Variants in KCNQ1OT1 observed in about 807,000 individuals in gnomAD.
KCNQ1OT1 encodes KCNQ1 antisense RNA 2 (non-protein coding).
At chr11:2,693,698 C>T in exon 1 of KCNQ1OT1, 1 of 398,690 alleles carries the variant, frequency 2.5e-6, no homozygotes, top group South Asian at 1.3e-4. Flanking sequence ...TGCGCTCCAG[C>T]CTCATGGGCC....
exon 1 of KCNQ1OT1, chr11:2,634,302 A>G (rs967179387): frequency 6.2e-6 from 2 of 320,164 alleles, no homozygotes; most frequent in African/African-American, 4.6e-5. Flanking sequence ...TATATCTCCT[A>G]ATGCTTTCCC....
chr11:2,676,825 G>A lies in KCNQ1OT1; in HGVS notation n.23170C>T, dbSNP rs1850303186. 2.5e-6 allele frequency: 1 copy of A among 398,450 alleles called. No homozygotes were observed. Among genetic ancestry groups the A allele is most frequent in the Admixed American group, 4.4e-5 (1 of 22,712 alleles). 24.7% of individuals were successfully genotyped at this position (398,450 alleles called of 1,614,324 possible). On this transcript the variant is annotated non_coding_transcript_exon_variant, in exon 1 of 1. Transcript: ENST00000597346. This position sits in a 1 kb window ranked among gnomAD's most constrained non-coding sequence, Gnocchi z 4.2. ...TGTATTGTGCTGGGATCTACCACAG[G>A]GGTCATGTTGTAATGACACCTGTCA...
exon 1 of KCNQ1OT1, chr11:2,699,394 C>G (rs1173915315): frequency 7.5e-6 from 3 of 400,778 alleles, no homozygotes; most frequent in Non-Finnish European, 1.3e-5. Flanking sequence ...GTGTTCAAAC[C>G]CTCCCAGAGA....
chr11:2,658,994 T>G lies in KCNQ1OT1; in HGVS notation n.41001A>C, dbSNP rs969150842. ...GAGTGTCCAGTCAAAACAGTGTTTT[T>G]GAAAGCAACATATGCCAGCTCCTCC... On this transcript the variant is annotated non_coding_transcript_exon_variant, in exon 1 of 1. Coordinates refer to ENST00000597346, the Ensembl canonical transcript of KCNQ1OT1. The surrounding 1 kb of genome is among the most constrained non-coding windows in gnomAD (Gnocchi z 4.9). 3 of 398,524 alleles carry G rather than the reference T, an allele frequency of 7.5e-6. No individual in the cohort carries two copies. In the East Asian group the frequency reaches 1.1e-4, roughly 14 times the overall value. The allele number at this position is 398,524 out of a possible 1,614,324, so 24.7% of individuals were successfully genotyped here.
At chr11:2,694,977 A>G (rs1027060195) in exon 1 of KCNQ1OT1, 7 of 398,606 alleles carry the variant, frequency 1.8e-5, no homozygotes, top group African/African-American at 6.2e-5. Context: ...ACAAAGAAGA[A>G]GAAGGCTGGC....
At position 2,624,652 on chromosome 11, in the gene KCNQ1OT1, A is replaced by G. The variant is rs948368877; in HGVS notation, n.75343T>C. 2.0e-5 allele frequency: 8 copies of G among 398,464 alleles called. No homozygotes were observed. Among genetic ancestry groups the G allele is most frequent in the African/African-American group, 1.0e-4 (5 of 48,634 alleles). 24.7% of individuals were successfully genotyped at this position (398,464 alleles called of 1,614,324 possible). Reference sequence around the variant, plus strand: ...AGTGAATGTATTAGATACGTTCACAATGCTGTGCAATCATCACTATCATCC... The same window carrying G: ...AGTGAATGTATTAGATACGTTCACAGTGCTGTGCAATCATCACTATCATCC... On this transcript the variant is annotated non_coding_transcript_exon_variant, in exon 1 of 1. Transcript: ENST00000597346. The surrounding 1 kb of genome is among the most constrained non-coding windows in gnomAD (Gnocchi z 4.9).
At chr11:2,625,656 A>C (rs147284711) in exon 1 of KCNQ1OT1, 4 of 395,482 alleles carry the variant, frequency 1.0e-5, no homozygotes, top group African/African-American at 2.1e-5. Flanking sequence ...GCTTACTGCA[A>C]CCTCTGCCTC....
rs759714698 is a variant in KCNQ1OT1 at position 2,661,955 on chromosome 11, C to A, written n.38040G>T. ...CTAACGTGCTGTCCCCACACTTTCT[C>A]CTCAGTAAGGAAGAGCCCAACACTG... On this transcript the variant is annotated non_coding_transcript_exon_variant, in exon 1 of 1. Coordinates refer to ENST00000597346, the Ensembl canonical transcript of KCNQ1OT1. The surrounding 1 kb of genome is among the most constrained non-coding windows in gnomAD (Gnocchi z 5.9). The A allele has an allele frequency of 5.0e-6, 8 of 1,614,076 alleles. No homozygotes were observed. Among genetic ancestry groups the A allele is most frequent in the Non-Finnish European group, 6.8e-6 (8 of 1,180,046 alleles).
At chr11:2,622,026 T>C (rs1849181922) in exon 1 of KCNQ1OT1, 2 of 398,138 alleles carry the variant, frequency 5.0e-6, no homozygotes, top group Admixed American at 8.8e-5. Context: ...ACTTCCCTCT[T>C]AGAACTGCTT....
exon 1 of KCNQ1OT1, chr11:2,634,100 G>C: frequency 2.6e-6 from 1 of 392,120 alleles, no homozygotes; most frequent in Non-Finnish European, 4.5e-6. Context: ...TTTAAGGATT[G>C]TGTTTTTGCT....
rs1025601138 is a variant in KCNQ1OT1 at position 2,687,495 on chromosome 11, C to T, written n.12500G>A. The T allele has an allele frequency of 2.8e-5, 11 of 398,632 alleles. No homozygotes were observed. The highest frequency in any genetic ancestry group is 2.1e-4 in the African/African-American group (10 of 48,616). 24.7% of individuals were successfully genotyped at this position (398,632 alleles called of 1,614,324 possible). A position where few individuals can be genotyped will look rare whatever the true frequency, so the allele number is the denominator to read the frequency against. ...CATTTCAATAGGGCCATCCCAGGCA[C>T]CCTAGGACTTGAGACCAGCCTCCTC... is the stretch of plus-strand genomic sequence containing the variant. On this transcript the variant is annotated non_coding_transcript_exon_variant, in exon 1 of 1. Transcript: ENST00000597346. This position sits in a 1 kb window ranked among gnomAD's most constrained non-coding sequence, Gnocchi z 5.0.
rs1471095007 is a variant in KCNQ1OT1 at position 2,678,263 on chromosome 11, T to C, written n.21732A>G. ...TTATCTTAAATTCTGAAATAACCTC[T>C]CATCCTGAAATTGTTTTAATAAATT... On this transcript the variant is annotated non_coding_transcript_exon_variant, in exon 1 of 1. Transcript: ENST00000597346. The surrounding 1 kb of genome is among the most constrained non-coding windows in gnomAD (Gnocchi z 4.9). 2 of 398,354 alleles carry C rather than the reference T, an allele frequency of 5.0e-6. No individual in the cohort carries two copies. The highest frequency in any genetic ancestry group is 8.8e-6 in the Non-Finnish European group (2 of 225,992). The allele number at this position is 398,354 out of a possible 1,614,324, so 24.7% of individuals were successfully genotyped here.
chr11:2,693,157 C>A, exon 1 of KCNQ1OT1: 2 of 398,712 alleles, frequency 5.0e-6, no homozygotes, highest in Non-Finnish European at 8.8e-6. Context: ...AGTCTACACT[C>A]TGTGATCCAC....
Position 2,674,066 on chromosome 11 carries a change from A to G in KCNQ1OT1, n.25929T>C, listed in dbSNP as rs553773026. ...CTCATTTGTACTTGCTGGCTGCCCC[A>G]TGGGGGCTTGGGCTAGGTCTCCCTG... is the stretch of plus-strand genomic sequence containing the variant. On this transcript the variant is annotated non_coding_transcript_exon_variant, in exon 1 of 1. Coordinates refer to ENST00000597346, the Ensembl canonical transcript of KCNQ1OT1. This position sits in a 1 kb window ranked among gnomAD's most constrained non-coding sequence, Gnocchi z 5.9. 2.3e-5 allele frequency: 9 copies of G among 398,442 alleles called. No individual in the cohort carries two copies. The highest frequency in any genetic ancestry group is 1.3e-5 in the Non-Finnish European group (3 of 226,074). The allele number at this position is 398,442 out of a possible 1,614,324, so 24.7% of individuals were successfully genotyped here.
At position 2,623,020 on chromosome 11, in the gene KCNQ1OT1, G is replaced by A; in HGVS notation, n.76975C>T. ...TCTCATCTTGAACTGTAATCCCCAT[G>A]TGTCAGGGGAGGGGCCTGGTGGGGG... On this transcript the variant is annotated non_coding_transcript_exon_variant, in exon 1 of 1. Transcript: ENST00000597346. The surrounding 1 kb of genome is among the most constrained non-coding windows in gnomAD (Gnocchi z 5.2). 1 of 398,664 alleles carries A rather than the reference G, an allele frequency of 2.5e-6. No homozygotes were observed. The highest frequency in any genetic ancestry group is 4.4e-6 in the Non-Finnish European group (1 of 226,114). The allele number at this position is 398,664 out of a possible 1,614,324, so 24.7% of individuals were successfully genotyped here. A position where few individuals can be genotyped will look rare whatever the true frequency, so the allele number is the denominator to read the frequency against.
exon 1 of KCNQ1OT1, chr11:2,685,388 G>C (rs1053692405): frequency 2.5e-6 from 1 of 398,558 alleles, no homozygotes; most frequent in African/African-American, 2.1e-5. Context: ...ATGGGCAGGG[G>C]ATAGATGTGT....
In KCNQ1OT1 at chr11:2,690,960, G is replaced by T. The variant is rs554800322; in HGVS notation, n.9035C>A. 3.3e-5 allele frequency: 13 copies of T among 398,666 alleles called. No homozygotes were observed. The highest frequency in any genetic ancestry group is 1.8e-4 in the African/African-American group (9 of 48,766). 24.7% of individuals were successfully genotyped at this position (398,666 alleles called of 1,614,324 possible). A position where few individuals can be genotyped will look rare whatever the true frequency, so the allele number is the denominator to read the frequency against. On this transcript the variant is annotated non_coding_transcript_exon_variant, in exon 1 of 1. Transcript: ENST00000597346. The surrounding 1 kb of genome is among the most constrained non-coding windows in gnomAD (Gnocchi z 5.1). ...TGAAAGGTTCATTTGGGAGTCACGG[G>T]TATGTGTCAACAAAAGCCCACCAGA...
chr11:2,646,376 C>T, exon 1 of KCNQ1OT1: 1 of 398,586 alleles, frequency 2.5e-6, no homozygotes, highest in Non-Finnish European at 4.4e-6. Context: ...TCTTCAATTA[C>T]TGTTATCAGT....
exon 1 of KCNQ1OT1, chr11:2,684,947 T>C: frequency 5.0e-6 from 2 of 398,708 alleles, no homozygotes; most frequent in Non-Finnish European, 8.8e-6. Context: ...GTTATCTTTG[T>C]ACCTGGTAAG....
Sources: allele counts gnomAD v4.1 joint callset, GRCh38; gene constraint gnomAD v4.1.1; non-coding constraint Gnocchi (gnomAD v3.1); transcripts MANE v1.5; gene names NCBI Gene and HGNC (gene_info 2026-07-23, HGNC 2026-07-21).